Variants in PTK2B observed in about 807,000 individuals in gnomAD.
PTK2B encodes protein tyrosine kinase 2 beta.
A neutral mutation model predicts 142.9 loss-of-function variants in PTK2B; 71 were observed. The observed-to-expected ratio is 0.50, with a 90% CI of 0.41 to 0.61. The LOEUF (loss-of-function observed/expected upper bound fraction) is 0.61. PTK2B is among the 20% of genes least tolerant of loss of function. The probability of loss-of-function intolerance (pLI) is 0.00; values close to 1 mark genes in which losing one functional copy is unlikely to be tolerated. For missense variants in PTK2B, 1,105 were observed against 1,320.4 expected (o/e 0.84, Z 2.53); for synonymous variants, 519 against 503.4 (o/e 1.03, Z -0.42).
chr8:27,457,478 A>G (rs1812205183), intron 30 of PTK2B, among the ~76,000 whole-genome samples: 1 of 152,250 alleles, frequency 6.6e-6, no homozygotes, highest in South Asian at 2.1e-4. Context: ...TTATTTAAGA[A>G]ATACATTTCT....
intron 1 of PTK2B, among the ~76,000 whole-genome samples, chr8:27,368,313 G>C (rs1468022176): frequency 2.0e-5 from 3 of 151,970 alleles, no homozygotes; most frequent in East Asian, 1.9e-4. Context: ...CCTCTTTTTG[G>C]CTCCCCCACC....
chr8:27,432,238 G>A, intron 9 of PTK2B, 22 bp from the exon 10 acceptor site: 1 of 1,611,038 alleles, frequency 6.2e-7, no homozygotes, highest in Non-Finnish European at 8.5e-7. Flanking sequence ...ATGGTCTGAA[G>A]CTCCCCCTTC....
chr8:27,454,723 C>G, intron 30 of PTK2B, 112 bp downstream of exon 30: 1 of 1,139,356 alleles, frequency 8.8e-7, no homozygotes, highest in Non-Finnish European at 1.3e-6. Context: ...TCCACTGAGT[C>G]CCCACCAGGT....
In PTK2B at chr8:27,331,653, A is replaced by G. The variant is rs554256592; in HGVS notation, c.-38+5972A>G. Reference sequence around the variant, plus strand: ...AGGCACCCACCACCATCCCTGGCTAATTCTTTTATTTTTAGTAGAAACGGG... The same window carrying G: ...AGGCACCCACCACCATCCCTGGCTAGTTCTTTTATTTTTAGTAGAAACGGG... On this transcript the variant is annotated intron_variant, in intron 1 of 30. Coordinates refer to ENST00000346049, the MANE Select transcript of PTK2B (RefSeq NM_173176.3). Among the ~76,000 whole-genome samples the G allele has an allele frequency of 4.6e-5, 7 of 150,698 alleles. No individual in the cohort carries two copies. In the South Asian group the frequency reaches 1.5e-3, roughly 32 times the overall value.
intron 1 of PTK2B, among the ~76,000 whole-genome samples, chr8:27,364,868 A>T (rs948345149): frequency 3.9e-5 from 6 of 152,162 alleles, no homozygotes; most frequent in African/African-American, 1.4e-4. Flanking sequence ...TGAGTAAGAC[A>T]CTACTTCTTG....
In PTK2B at chr8:27,420,757, T is replaced by G. The variant is rs1167654311; in HGVS notation, c.471+13T>G. On this transcript the variant is annotated intron_variant, in intron 4 of 30. Transcript: ENST00000346049. ...TTTTTACCAACAGGTAAAAAGTACT[T>G]TATCTTCTTGCCCCGAGGCTCCCAT... 1 of 1,597,768 alleles carries G rather than the reference T, an allele frequency of 6.3e-7. No homozygotes were observed.
At chr8:27,346,442 G>T (rs1282453888) in intron 1 of PTK2B, among the ~76,000 whole-genome samples, 1 of 152,120 alleles carries the variant, frequency 6.6e-6, no homozygotes, top group East Asian at 1.9e-4. Context: ...GCTACTCAGG[G>T]GGCTGAAGTG....
chr8:27,422,176 T>G, intron 4 of PTK2B, 128 bp from the exon 5 acceptor site: 2 of 819,352 alleles, frequency 2.4e-6, no homozygotes, highest in Non-Finnish European at 3.8e-6. Flanking sequence ...TGCTCCATGC[T>G]TGTTTGTGGT....
intron 1 of PTK2B, among the ~76,000 whole-genome samples, chr8:27,377,942 T>A (rs1444790329): frequency 6.6e-6 from 1 of 152,172 alleles, no homozygotes; most frequent in African/African-American, 2.4e-5. Flanking sequence ...ACTTGAAAGC[T>A]AGCACACCCC....
chr8:27,421,111 C>A (rs2131841413), intron 4 of PTK2B, among the ~76,000 whole-genome samples: 1 of 152,212 alleles, frequency 6.6e-6, no homozygotes, highest in East Asian at 1.9e-4. Flanking sequence ...AATCTGATAG[C>A]CTGGGGGACC....
chr8:27,317,119 A>G (rs1440032342), intron 3 of PTK2B, among the ~76,000 whole-genome samples: 1 of 152,206 alleles, frequency 6.6e-6, no homozygotes, highest in Non-Finnish European at 1.5e-5. Flanking sequence ...AATGTCCAGA[A>G]ATGAAATAAG....
chr8:27,321,515 G>T (rs770527172), upstream of PTK2B, among the ~76,000 whole-genome samples: 5 of 152,216 alleles, frequency 3.3e-5, no homozygotes, highest in Non-Finnish European at 7.3e-5. Context: ...AAGCATGGTG[G>T]CTGGACGGCA....
At chr8:27,408,631 A>G (rs1808869801) in intron 2 of PTK2B, among the ~76,000 whole-genome samples, 1 of 152,232 alleles carries the variant, frequency 6.6e-6, no homozygotes, top group Non-Finnish European at 1.5e-5. Flanking sequence ...ACCTTTAGGA[A>G]GCCAAAAGCC....
intron 2 of PTK2B, among the ~76,000 whole-genome samples, chr8:27,398,348 GT>G (rs1231577493): frequency 1.3e-5 from 2 of 152,194 alleles, no homozygotes; most frequent in Admixed American, 1.3e-4. Flanking sequence ...CACAACATCT[GT>G]TTTGCAGGTC....
chr8:27,311,386 G>A (rs1489408275), upstream of PTK2B: 7 of 987,888 alleles, frequency 7.1e-6, no homozygotes, highest in East Asian at 8.6e-5. Context: ...TCGTGCGGGG[G>A]GGATGGCGAG....
intron 1 of PTK2B, among the ~76,000 whole-genome samples, chr8:27,364,436 A>G (rs969378803): frequency 2.0e-5 from 3 of 152,256 alleles, no homozygotes; most frequent in Non-Finnish European, 4.4e-5. Context: ...CACATTTACA[A>G]TAAGCCAGAT....
At chr8:27,424,431 A>G (rs1809948709) in intron 5 of PTK2B, among the ~76,000 whole-genome samples, 1 of 152,192 alleles carries the variant, frequency 6.6e-6, no homozygotes, top group Admixed American at 6.5e-5. Flanking sequence ...ATGCAGGATG[A>G]TATTCTAAAA....
rs1270573835 is a variant in PTK2B, at chr8:27,458,160, T to C, written c.2815-134T>C. On this transcript the variant is annotated intron_variant, in intron 30 of 30. Transcript: ENST00000346049. ...GCACGGGGTGTTGCATTCAGCCCTC[T>C]CCTAGGTCTGATTTGCTTCCAGGGA... is the stretch of plus-strand genomic sequence containing the variant. The C allele has an allele frequency of 5.9e-6, 5 of 844,526 alleles. No individual in the cohort carries two copies. In the East Asian group the frequency reaches 1.3e-4, roughly 22 times the overall value. 52.3% of individuals were successfully genotyped at this position (844,526 alleles called of 1,614,324 possible).
chr8:27,443,843 C>T (rs567608682), intron 22 of PTK2B, among the ~76,000 whole-genome samples: 1 of 152,350 alleles, frequency 6.6e-6, no homozygotes, highest in Admixed American at 6.5e-5. Flanking sequence ...TCATCTCCTC[C>T]ATGCAGCTTC....
Sources: allele counts gnomAD v4.1 joint callset (sites outside exome capture counted in the v4.1 genomes callset), GRCh38; gene constraint gnomAD v4.1.1; transcripts MANE v1.5; gene names NCBI Gene and HGNC (gene_info 2026-07-23, HGNC 2026-07-21).